CYTH3: variants seen among roughly 807,000 people sequenced by gnomAD.
The protein encoded by CYTH3 is cytohesin 3, also known as cytohesin-3.
Under a neutral mutation model 55.1 loss-of-function variants are expected in CYTH3, and 23 were observed. The observed-to-expected ratio is 0.42, with a 90% CI of 0.30 to 0.59. The LOEUF (loss-of-function observed/expected upper bound fraction) is 0.59. CYTH3 is among the 20% of genes least tolerant of loss of function. CYTH3 has a pLI of 0.20. For missense variants in CYTH3, 413 were observed against 524.8 expected, an observed-to-expected ratio of 0.79 and a Z score of 2.08; for synonymous variants, 249 against 194.9, an observed-to-expected ratio of 1.28 and a Z score of -2.31.
chr7:6,208,019 C>G (rs1784235469), intron 1 of CYTH3, among the ~76,000 whole-genome samples: 1 of 152,096 alleles, frequency 6.6e-6, no homozygotes, highest in Non-Finnish European at 1.5e-5. Flanking sequence ...TAGGATGATA[C>G]TTTTGAGCAC....
intron 1 of CYTH3, among the ~76,000 whole-genome samples, chr7:6,259,332 G>GCCC (rs888941436): frequency 2.6e-5 from 4 of 152,078 alleles, no homozygotes; most frequent in South Asian, 2.1e-4. Context: ...ATTAACAATA[G>GCCC]CCCTGTTGAG....
intron 1 of CYTH3, among the ~76,000 whole-genome samples, chr7:6,191,310 A>C (rs1313100355): frequency 1.3e-5 from 2 of 152,030 alleles, no homozygotes; most frequent in African/African-American, 4.8e-5. Flanking sequence ...TAAATAAATA[A>C]ATCAACATAG....
At chr7:6,191,556 G>A (rs769858711) in intron 1 of CYTH3, among the ~76,000 whole-genome samples, 2 of 150,612 alleles carry the variant, frequency 1.3e-5, no homozygotes, top group Non-Finnish European at 2.9e-5. Context: ...GTAAATACAG[G>A]AGAATTTTTT....
intron 1 of CYTH3, among the ~76,000 whole-genome samples, chr7:6,193,460 C>G (rs1419787418): frequency 6.6e-6 from 1 of 151,374 alleles, no homozygotes; most frequent in Non-Finnish European, 1.5e-5. Flanking sequence ...CCTGTCACAA[C>G]AAAGAGAATG....
At chr7:6,257,089 A>C (rs1052833217) in intron 1 of CYTH3, among the ~76,000 whole-genome samples, 6 of 152,204 alleles carry the variant, frequency 3.9e-5, no homozygotes, top group African/African-American at 1.2e-4. Flanking sequence ...TTTTAGAAGA[A>C]GACTTATCCA....
intron 1 of CYTH3, among the ~76,000 whole-genome samples, chr7:6,206,967 C>A (rs771275136): frequency 1.1e-4 from 17 of 151,038 alleles, no homozygotes; most frequent in Non-Finnish European, 2.1e-4. Context: ...TAAAACCCAT[C>A]AATTTTAAGT....
intron 1 of CYTH3, among the ~76,000 whole-genome samples, chr7:6,211,142 A>G (rs1784310761): frequency 6.6e-6 from 1 of 152,162 alleles, no homozygotes; most frequent in Non-Finnish European, 1.5e-5. Flanking sequence ...CCCATCTGCC[A>G]CTGGGGCACC....
intron 1 of CYTH3, among the ~76,000 whole-genome samples, chr7:6,203,643 G>A (rs535050827): frequency 6.6e-6 from 1 of 152,162 alleles, no homozygotes; most frequent in Non-Finnish European, 1.5e-5. Context: ...ACTATTCTGA[G>A]TAGACAACTG....
At chr7:6,248,247 C>CA (rs754789105) in intron 1 of CYTH3, among the ~76,000 whole-genome samples, 1,743 of 128,204 alleles carry the variant, frequency 0.014, 32 homozygotes, top group African/African-American at 0.031. Flanking sequence ...CCCCCCCAGC[C>CA]AAAAAAAAAA....
chr7:6,183,317 C>T (rs1367627060), intron 4 of CYTH3, among the ~76,000 whole-genome samples: 1 of 152,204 alleles, frequency 6.6e-6, no homozygotes, highest in African/African-American at 2.4e-5. Context: ...CCAGCTGATC[C>T]CATTTATCTT....
At chr7:6,224,173 A>T (rs1315456496) in intron 1 of CYTH3, among the ~76,000 whole-genome samples, 1 of 152,180 alleles carries the variant, frequency 6.6e-6, no homozygotes, top group Non-Finnish European at 1.5e-5. Flanking sequence ...ATCCACCACC[A>T]TGCCTGGTTA....
At chr7:6,185,569 A>G (rs377246879) in intron 4 of CYTH3, among the ~76,000 whole-genome samples, 80 of 151,510 alleles carry the variant, frequency 5.3e-4, no homozygotes, top group African/African-American at 1.3e-3. Context: ...GCATGGTGGC[A>G]GGCACCTGTA....
At chr7:6,190,651 A>G (rs1783779187) in intron 1 of CYTH3, 120 bp from the exon 2 acceptor site, 2 of 745,326 alleles carry the variant, frequency 2.7e-6, no homozygotes, top group Non-Finnish European at 4.1e-6. Flanking sequence ...TCCTAAAGAA[A>G]TGCTCCCATT....
intron 1 of CYTH3, among the ~76,000 whole-genome samples, chr7:6,194,719 G>A (rs987237346): frequency 1.3e-5 from 2 of 152,194 alleles, no homozygotes; most frequent in Non-Finnish European, 2.9e-5. Flanking sequence ...GCTCACGCCT[G>A]TAATCCCAGC....
chr7:6,190,343 T>A, intron 2 of CYTH3, 106 bp downstream of exon 2: 1 of 957,076 alleles, frequency 1.0e-6, no homozygotes, highest in Non-Finnish European at 1.5e-6. Context: ...TTTTTGTTTT[T>A]GGGTTTTTTT....
intron 1 of CYTH3, among the ~76,000 whole-genome samples, chr7:6,255,981 T>A (rs1780093335): frequency 6.6e-6 from 1 of 152,046 alleles, no homozygotes; most frequent in African/African-American, 2.4e-5. Flanking sequence ...GCCAGGATGG[T>A]CTCGATCTCC....
At chr7:6,165,091 G>A (rs939174735) in intron 12 of CYTH3, 75 bp from the exon 13 acceptor site, 30 of 1,598,918 alleles carry the variant, frequency 1.9e-5, no homozygotes, top group Non-Finnish European at 2.5e-5. Context: ...CAGCCCCAGA[G>A]GCCCCTCAGA....
rs1306059224 is a variant in CYTH3 at position 6,163,428 on chromosome 7, A to G, written c.*1516T>C. 6.5e-6 allele frequency: 1 copy of G among 152,740 alleles called. No homozygotes were observed. The highest frequency in any genetic ancestry group is 1.5e-5 in the Non-Finnish European group (1 of 68,456). 9.5% of individuals were successfully genotyped at this position (152,740 alleles called of 1,614,324 possible). A position where few individuals can be genotyped will look rare whatever the true frequency, so the allele number is the denominator to read the frequency against. On this transcript the variant is annotated 3_prime_UTR_variant, in exon 13 of 13. Transcript: ENST00000350796. ...TAGAGGAAAAGCCAGCCACCAACCCAACAGCCCACTGTGTAACAGGGTCCT... is the reference window on the plus strand; with the variant it reads ...TAGAGGAAAAGCCAGCCACCAACCCGACAGCCCACTGTGTAACAGGGTCCT...
chr7:6,179,426 T>A (rs1433308158), intron 4 of CYTH3, among the ~76,000 whole-genome samples: 3 of 151,998 alleles, frequency 2.0e-5, no homozygotes, highest in Non-Finnish European at 4.4e-5. Context: ...GTTATGTGAG[T>A]GTATTAATTT....
Sources: allele counts gnomAD v4.1 joint callset (sites outside exome capture counted in the v4.1 genomes callset), GRCh38; gene constraint gnomAD v4.1.1; transcripts MANE v1.5; gene names NCBI Gene and HGNC (gene_info 2026-07-23, HGNC 2026-07-21).